Variants in VLDLR observed in about 807,000 individuals in gnomAD.
VLDLR encodes the protein very low-density lipoprotein receptor.
A neutral mutation model predicts 112.7 loss-of-function variants in VLDLR; 81 were observed. The ratio of observed to expected loss-of-function variants is 0.72; its 90% CI spans 0.60 to 0.86. VLDLR has a LOEUF of 0.86. Ranked by LOEUF, VLDLR falls within the 40% of genes least tolerant of loss-of-function variation. The pLI is 0.00. For synonymous variants in VLDLR, 436 were observed against 384.8 expected (o/e 1.13, Z -1.56); for missense variants, 1,237 against 1,099.4 (o/e 1.13, Z -1.77).
chr9:2,637,578 G>A (rs1017815811), intron 2 of VLDLR, among the ~76,000 whole-genome samples: 11 of 152,162 alleles, frequency 7.2e-5, no homozygotes, highest in Non-Finnish European at 5.9e-5. Context: ...GTCTGTCTCT[G>A]TTTATCTTTT....
intron 12 of VLDLR, 98 bp from the exon 13 acceptor site, chr9:2,648,110 A>G: frequency 6.5e-7 from 1 of 1,537,960 alleles, no homozygotes; most frequent in Non-Finnish European, 8.9e-7. Flanking sequence ...CTGCTGGGGA[A>G]AGAACCGTGA....
Position 2,644,937 on chromosome 9 carries a change from A to G in VLDLR, c.1187-20A>G, listed in dbSNP as rs1049514345. On this transcript the variant is annotated intron_variant, in intron 8 of 18. Transcript: ENST00000382100. ...AGTAAGGTATAGGAGCAGCAAGACTAATTCTGATTTCCCTCCCAGATATTG... is the reference window on the plus strand; with the variant it reads ...AGTAAGGTATAGGAGCAGCAAGACTGATTCTGATTTCCCTCCCAGATATTG... 5 of 1,614,054 alleles carry G rather than the reference A, an allele frequency of 3.1e-6. No homozygotes were observed. In the African/African-American group the frequency reaches 6.7e-5, roughly 22 times the overall value.
rs751558240 is a variant in VLDLR, at chr9:2,645,590, G to T, written c.1329G>T (p.Leu443=). The T allele has an allele frequency of 6.2e-7, 1 of 1,614,210 alleles. No individual in the cohort carries two copies. Among genetic ancestry groups the T allele is most frequent in the East Asian group, 2.2e-5 (1 of 44,888 alleles). The part of the protein sequence containing the change: ...VCKAVGKEPS[L]IFTNRRDIRK... ...ATCTTGCAGGCAAAGAGCCAAGTCT[G>T]ATCTTCACTAATCGAAGAGACATCA... Residue 443 remains leucine, a synonymous_variant, in exon 10 of 19, where the codon CTG becomes CTT. Coordinates refer to ENST00000382100, the MANE Select transcript of VLDLR (RefSeq NM_003383.5).
In VLDLR at chr9:2,636,133, C is replaced by T. The variant is rs540661588; in HGVS notation, c.202+561C>T. The stretch of plus-strand genomic sequence containing the variant: ...AGAGAATGGGGATACAGTGTCACAG[C>T]CATCAATCAGCATCTATTAAAAGAT... On this transcript the variant is annotated intron_variant, in intron 2 of 18. Coordinates refer to ENST00000382100, the MANE Select transcript of VLDLR (RefSeq NM_003383.5). Among the ~76,000 whole-genome samples, 10 of 152,226 alleles carry T rather than the reference C, an allele frequency of 6.6e-5. No homozygotes were observed. In the South Asian group the frequency reaches 1.5e-3, roughly 22 times the overall value.
At chr9:2,622,833 C>T (rs2130750528) in intron 1 of VLDLR, among the ~76,000 whole-genome samples, 1 of 152,180 alleles carries the variant, frequency 6.6e-6, no homozygotes, top group South Asian at 2.1e-4. Context: ...GGAGGCTCCG[C>T]GGAGCCGAGG....
At position 2,654,899 on chromosome 9, in the gene VLDLR, G is replaced by C. The variant is rs1586664260; in HGVS notation, c.*1031G>C. ...AGGGCTTTCTTCTTATGAAAGTCTA[G>C]ACTGTCTTACTGTGAAGATGGCCAG... On this transcript the variant is annotated 3_prime_UTR_variant, in exon 19 of 19. Transcript: ENST00000382100. 6.6e-6 allele frequency: 1 copy of C among 152,306 alleles called. No individual in the cohort carries two copies. The highest frequency in any genetic ancestry group is 1.5e-5 in the Non-Finnish European group (1 of 68,042). The allele number at this position is 152,306 out of a possible 1,614,324, so 9.4% of individuals were successfully genotyped here. A position where few individuals can be genotyped will look rare whatever the true frequency, so the allele number is the denominator to read the frequency against.
intron 17 of VLDLR, 43 bp downstream of exon 17, chr9:2,651,997 A>C (rs1285362555): frequency 1.9e-6 from 3 of 1,593,310 alleles, no homozygotes; most frequent in Admixed American, 3.4e-5. Flanking sequence ...AACTTCTTAG[A>C]TACCAGATGA....
intron 2 of VLDLR, among the ~76,000 whole-genome samples, chr9:2,636,640 A>C (rs1563752733): frequency 6.6e-6 from 1 of 152,224 alleles, no homozygotes; most frequent in Non-Finnish European, 1.5e-5. Context: ...AGAAACTTAC[A>C]TCCAGTCTCA....
intron 1 of VLDLR, among the ~76,000 whole-genome samples, chr9:2,633,632 G>T (rs1319086728): frequency 6.6e-6 from 1 of 151,870 alleles, no homozygotes; most frequent in Admixed American, 6.6e-5. Context: ...AAAATCAGAG[G>T]CTTTCAGTCT....
rs754131209 is a variant in VLDLR, at chr9:2,641,330, G to T, written c.326-47G>T. 6 of 1,612,796 alleles carry T rather than the reference G, an allele frequency of 3.7e-6. No homozygotes were observed. The African/African-American group carries it at 5.3e-5, about 14-fold the overall frequency. On this transcript the variant is annotated intron_variant, in intron 3 of 18. Transcript: ENST00000382100. ...CAGGCAGCACAGGAGCAGCAGCTTT[G>T]CATTGATCAGTTCTGAGGCTCTTTT...
chr9:2,641,636 C>A, intron 4 of VLDLR, 137 bp downstream of exon 4: 1 of 1,312,694 alleles, frequency 7.6e-7, no homozygotes, highest in Non-Finnish European at 1.1e-6. Context: ...TGCTCAATTA[C>A]TTGTCCTTCA....
rs1586667045 is a variant in VLDLR at position 2,658,501 on chromosome 9, C to T, written c.*4633C>T. 6.6e-6 allele frequency: 1 copy of T among 152,106 alleles called. No individual in the cohort carries two copies. Among genetic ancestry groups the T allele is most frequent in the East Asian group, 1.9e-4 (1 of 5,196 alleles). The allele number at this position is 152,106 out of a possible 1,614,324, so 9.4% of individuals were successfully genotyped here. On this transcript the variant is annotated 3_prime_UTR_variant, in exon 19 of 19. Coordinates refer to ENST00000382100, the MANE Select transcript of VLDLR (RefSeq NM_003383.5). ...AAATGGCTTTTTTCTTCACTGCGCT[C>T]AAGGAAAAAGTCAGATGGGTGACAA...
Position 2,621,827 on chromosome 9 carries a change from C to G in VLDLR, c.-363C>G, listed in dbSNP as rs1816788976. ...CGCCGCCGGTGCGGGTGCTCCGCTA[C>G]CGGCTCCTCTCCGTTCTGTGCTCTC... is the stretch of plus-strand genomic sequence containing the variant. On this transcript the variant is annotated 5_prime_UTR_variant, in exon 1 of 19. Transcript: ENST00000382100. The G allele has an allele frequency of 3.9e-6, 2 of 507,038 alleles. No individual in the cohort carries two copies. The highest frequency in any genetic ancestry group is 7.5e-6 in the Non-Finnish European group (2 of 265,354). The allele number at this position is 507,038 out of a possible 1,614,324, so 31.4% of individuals were successfully genotyped here.
At chr9:2,625,481 A>T (rs1050630862) in intron 1 of VLDLR, among the ~76,000 whole-genome samples, 2 of 152,264 alleles carry the variant, frequency 1.3e-5, no homozygotes, top group South Asian at 2.1e-4. Context: ...TACGTGACTT[A>T]AAGTAATGAT....
chr9:2,653,642 A>G (rs1818458827), intron 18 of VLDLR, among the ~76,000 whole-genome samples, 191 bp from the exon 19 acceptor site: 1 of 152,240 alleles, frequency 6.6e-6, no homozygotes, highest in South Asian at 2.1e-4. Flanking sequence ...CTCACTACCA[A>G]GCAGGTATAG....
At chr9:2,622,803 C>T (rs747244132) in intron 1 of VLDLR, among the ~76,000 whole-genome samples, 1 of 152,076 alleles carries the variant, frequency 6.6e-6, no homozygotes, top group Non-Finnish European at 1.5e-5. Flanking sequence ...AGCTGGCGCA[C>T]GTTCGGTGGG....
At chr9:2,644,160 T>G (rs1427045082) in intron 7 of VLDLR, among the ~76,000 whole-genome samples, 3 of 139,580 alleles carry the variant, frequency 2.1e-5, no homozygotes, top group Non-Finnish European at 4.7e-5. Context: ...GTTGTTTTTT[T>G]TTTTTTTTTT....
chr9:2,644,939 T>C lies in VLDLR; in HGVS notation c.1187-18T>C. Reference sequence around the variant, plus strand: ...TAAGGTATAGGAGCAGCAAGACTAATTCTGATTTCCCTCCCAGATATTGAT... The same window carrying C: ...TAAGGTATAGGAGCAGCAAGACTAACTCTGATTTCCCTCCCAGATATTGAT... On this transcript the variant is annotated intron_variant, in intron 8 of 18. Coordinates refer to ENST00000382100, the MANE Select transcript of VLDLR (RefSeq NM_003383.5). 6.2e-7 allele frequency: 1 copy of C among 1,614,178 alleles called. No homozygotes were observed. The highest frequency in any genetic ancestry group is 1.1e-5 in the South Asian group (1 of 91,080).
chr9:2,637,495 C>A (rs1038208809), intron 2 of VLDLR, among the ~76,000 whole-genome samples: 2 of 152,168 alleles, frequency 1.3e-5, no homozygotes, highest in African/African-American at 4.8e-5. Flanking sequence ...TCTCTCAAGG[C>A]CCAGTTCACA....
Sources: gnomAD v4.1 joint callset for allele counts (sites outside exome capture counted in the v4.1 genomes callset) on GRCh38, gnomAD v4.1.1 for gene constraint, MANE v1.5 for transcripts, NCBI Gene and HGNC (gene_info 2026-07-23, HGNC 2026-07-21) for gene names.